FA2H: variants seen among roughly 807,000 people sequenced by gnomAD.
The protein encoded by FA2H is fatty acid 2-hydroxylase.
A neutral mutation model predicts 44.9 loss-of-function variants in FA2H; 22 were observed. The ratio of observed to expected loss-of-function variants is 0.49; its 90% CI spans 0.35 to 0.70. The LOEUF is 0.70. FA2H is among the 30% of genes least tolerant of loss of function. The pLI, the probability that FA2H is intolerant of heterozygous loss-of-function variation, is 0.01. For synonymous variants in FA2H, 243 were observed against 213.2 expected, an observed-to-expected ratio of 1.14 and a Z score of -1.22; for missense variants, 501 against 504.9, an observed-to-expected ratio of 0.99 and a Z score of 0.07.
rs1166317916 is a variant in FA2H, at chr16:74,737,397, A to C, written c.363+2626T>G. On this transcript the variant is annotated intron_variant, in intron 2 of 6. Transcript: ENST00000219368. ...GCCTGGCTGGGTGACTGAAGGGATG[A>C]TTTAGAAACTGTTCTGGTAAAATTC... Among the ~76,000 whole-genome samples the C allele has an allele frequency of 2.6e-5, 4 of 152,138 alleles. No individual in the cohort carries two copies. The East Asian group carries it at 7.7e-4, about 29-fold the overall frequency.
rs540344541 is a variant in FA2H, at chr16:74,723,579, C to T, written c.613+2646G>A. On this transcript the variant is annotated intron_variant, in intron 4 of 6. Coordinates refer to ENST00000219368, the MANE Select transcript of FA2H (RefSeq NM_024306.5). ...CTTCCTGGGAGGCTGTGGTTACTGA[C>T]ATCCACATATTACCAAAGGAGTCAG... Among the ~76,000 whole-genome samples, 4 of 152,306 alleles carry T rather than the reference C, an allele frequency of 2.6e-5. No individual in the cohort carries two copies. The South Asian group carries it at 8.3e-4, about 32-fold the overall frequency.
intron 6 of FA2H, among the ~76,000 whole-genome samples, chr16:74,715,951 G>C (rs1301507568): frequency 2.0e-5 from 3 of 152,030 alleles, no homozygotes; most frequent in Admixed American, 2.0e-4. Flanking sequence ...AAGTAGCTGA[G>C]ATTATAGGTG....
In FA2H at chr16:74,716,411, C is replaced by T. The variant is rs769469264; in HGVS notation, c.975G>A (p.Lys325=). The T allele has an allele frequency of 1.3e-5, 21 of 1,613,904 alleles. No individual in the cohort carries two copies. The highest frequency in any genetic ancestry group is 8.5e-7 in the Non-Finnish European group (1 of 1,180,014). ...HYYLHFGSPH[K]GSYLYSLKAH... ...CCTTCAGGCTGTACAGGTAGGAGCC[C>T]TTGTGCGGCGAGCCAAAGTGCAGGT... is the stretch of plus-strand genomic sequence containing the variant. Residue 325 remains lysine, a synonymous_variant, in exon 6 of 7, where the codon AAG becomes AAA. Coordinates refer to ENST00000219368, the MANE Select transcript of FA2H (RefSeq NM_024306.5).
At chr16:74,765,159 CT>C (rs11411146) in intron 1 of FA2H, among the ~76,000 whole-genome samples, 27,687 of 146,948 alleles carry the variant, frequency 0.19, 2,990 homozygotes, top group East Asian at 0.24. Flanking sequence ...TTTTCTTAAT[CT>C]TTTTTTTTTT....
chr16:74,729,724 C>T (rs1289302326), intron 2 of FA2H, among the ~76,000 whole-genome samples: 3 of 152,176 alleles, frequency 2.0e-5, no homozygotes, highest in African/African-American at 7.2e-5. Context: ...TAGAGCCTGG[C>T]TGTGCCTTTG....
Position 74,714,197 on chromosome 16 carries a change from G to T in FA2H, c.1112C>A (p.Thr371Lys). Residue 371 changes from threonine to lysine, a missense_variant, in exon 7 of 7, where the codon ACG (threonine) becomes AAG (lysine). By Grantham distance (78) the Thr-to-Lys change is moderately conservative. Transcript: ENST00000219368. ...CGGAGGGGGTGGGAGTTGTCACTGC[G>T]TCTTCAGGTGGGGTTTCTCTGGAGT... ...TLTPEKPHLK[T>K]Q 1 of 1,560,718 alleles carries T rather than the reference G, an allele frequency of 6.4e-7. No individual in the cohort carries two copies. The highest frequency in any genetic ancestry group is 8.7e-7 in the Non-Finnish European group (1 of 1,151,406).
chr16:74,750,298 T>A (rs1304901491), intron 1 of FA2H, among the ~76,000 whole-genome samples: 2 of 152,208 alleles, frequency 1.3e-5, no homozygotes, highest in African/African-American at 4.8e-5. Context: ...TCAGATCTAT[T>A]GCACAACACT....
At chr16:74,768,271 G>C (rs1040684533) in intron 1 of FA2H, among the ~76,000 whole-genome samples, 2 of 152,066 alleles carry the variant, frequency 1.3e-5, no homozygotes, top group African/African-American at 4.8e-5. Context: ...CCAATTCTGG[G>C]TCTCAAAGCC....
At chr16:74,740,626 T>G (rs1284143201) in intron 1 of FA2H, among the ~76,000 whole-genome samples, 1 of 43,942 alleles carries the variant, frequency 2.3e-5, no homozygotes, top group Non-Finnish European at 5.3e-5. Context: ...CTCAAAATAA[T>G]AATAATAATA....
intron 4 of FA2H, among the ~76,000 whole-genome samples, chr16:74,722,681 G>C (rs1027935626): frequency 6.6e-6 from 1 of 152,206 alleles, no homozygotes; most frequent in Non-Finnish European, 1.5e-5. Flanking sequence ...GGGAGGCTGA[G>C]GTGGGCGGAT....
At chr16:74,746,868 G>A (rs1962433724) in intron 1 of FA2H, among the ~76,000 whole-genome samples, 1 of 152,208 alleles carries the variant, frequency 6.6e-6, no homozygotes. Context: ...GTCAGGGCAG[G>A]TAGGCACCAG....
chr16:74,757,845 T>C (rs1009435897), intron 1 of FA2H, among the ~76,000 whole-genome samples: 3 of 152,070 alleles, frequency 2.0e-5, no homozygotes, highest in South Asian at 2.1e-4. Context: ...GGCAAAACCC[T>C]GTCTCTACAA....
chr16:74,715,266 C>G (rs1384599116), intron 6 of FA2H, among the ~76,000 whole-genome samples: 2 of 151,948 alleles, frequency 1.3e-5, no homozygotes, highest in Non-Finnish European at 2.9e-5. Context: ...ATTTCAAAGA[C>G]TTAGTATAAG....
At chr16:74,726,925 C>T (rs1961970551) in intron 3 of FA2H, among the ~76,000 whole-genome samples, 1 of 152,174 alleles carries the variant, frequency 6.6e-6, no homozygotes, top group African/African-American at 2.4e-5. Flanking sequence ...AGATGCTGAC[C>T]TCTTGTGGCA....
At chr16:74,762,292 C>T (rs575215047) in intron 1 of FA2H, among the ~76,000 whole-genome samples, 1 of 152,362 alleles carries the variant, frequency 6.6e-6, no homozygotes, top group South Asian at 2.1e-4. Flanking sequence ...ATCCACCCGC[C>T]TCGGCCTCCC....
intron 2 of FA2H, among the ~76,000 whole-genome samples, chr16:74,732,153 G>C (rs980082684): frequency 1.3e-5 from 2 of 152,166 alleles, no homozygotes; most frequent in African/African-American, 4.8e-5. Context: ...CAAAGTGCTG[G>C]GCTTATGAGC....
intron 2 of FA2H, among the ~76,000 whole-genome samples, chr16:74,729,726 G>T (rs1000376374): frequency 1.3e-5 from 2 of 152,200 alleles, no homozygotes; most frequent in African/African-American, 4.8e-5. Context: ...GAGCCTGGCT[G>T]TGCCTTTGAC....
chr16:74,726,482 G>C (rs1260745097), intron 3 of FA2H, 151 bp from the exon 4 acceptor site: 1 of 587,564 alleles, frequency 1.7e-6, no homozygotes, highest in African/African-American at 1.9e-5. Flanking sequence ...TCTGCCTCTG[G>C]GGTTCAAGTG....
chr16:74,727,544 C>A (rs998011598), intron 2 of FA2H, among the ~76,000 whole-genome samples, 158 bp from the exon 3 acceptor site: 2 of 152,272 alleles, frequency 1.3e-5, no homozygotes, highest in Admixed American at 1.3e-4. Context: ...CAAGAACTGA[C>A]CAAGCTGCTC....
Sources: allele counts gnomAD v4.1 joint callset (sites outside exome capture counted in the v4.1 genomes callset), GRCh38; gene constraint gnomAD v4.1.1; transcripts MANE v1.5; gene names NCBI Gene and HGNC (gene_info 2026-07-23, HGNC 2026-07-21).